Variants in RBPJ observed in about 807,000 individuals in gnomAD.
The protein encoded by RBPJ is recombining binding protein suppressor of hairless.
A neutral mutation model predicts 67.8 loss-of-function variants in RBPJ; 9 were observed. That is an observed-to-expected ratio of 0.13 (90% CI 0.08 to 0.23). RBPJ has a LOEUF of 0.23. Ranked by LOEUF, RBPJ falls within the 10% of genes least tolerant of loss-of-function variation. The probability of loss-of-function intolerance (pLI) is 1.00; values close to 1 mark genes in which losing one functional copy is unlikely to be tolerated. For missense variants in RBPJ, 305 were observed against 595.6 expected (o/e 0.51, Z 5.08); for synonymous variants, 198 against 203.3 (o/e 0.97, Z 0.22).
At chr4:26,174,232 T>C (rs546535963) in intron 1 of RBPJ, among the ~76,000 whole-genome samples, 237 of 152,318 alleles carry the variant, frequency 1.6e-3, no homozygotes, top group Non-Finnish European at 2.5e-3. Context: ...ACTAGTGAGA[T>C]GACCTTTACC....
At chr4:26,290,933 C>T (rs2871198) in intron 1 of RBPJ, among the ~76,000 whole-genome samples, 93,938 of 150,378 alleles carry the variant, frequency 0.62, 31,216 homozygotes, top group African/African-American at 0.71. Flanking sequence ...TCTAAGAAAG[C>T]AGATATGCTA....
the RBPJ span, among the ~76,000 whole-genome samples, chr4:26,109,725 CTCTCTA>C: frequency 8.7e-6 from 1 of 114,860 alleles, no homozygotes; most frequent in African/African-American, 3.0e-5. Flanking sequence ...CTCTCTCTCT[CTCTCTA>C]TATATATATA....
chr4:26,112,713 T>C, the RBPJ span: 2 of 151,886 alleles, frequency 1.3e-5, no homozygotes, highest in Non-Finnish European at 2.9e-5. Flanking sequence ...GTATTGATTT[T>C]AGATTTGGAC....
intron 1 of RBPJ, among the ~76,000 whole-genome samples, chr4:26,270,000 G>A (rs1720824750): frequency 6.6e-6 from 1 of 151,852 alleles, no homozygotes; most frequent in Admixed American, 6.6e-5. Context: ...GCTGGTATGG[G>A]GCCAGGCACG....
chr4:26,257,590 T>C (rs1720383719), intron 1 of RBPJ, among the ~76,000 whole-genome samples: 1 of 152,290 alleles, frequency 6.6e-6, no homozygotes. Context: ...GACTGTGCCA[T>C]AGCACTCCAG....
chr4:26,198,185 C>T (rs547754080), intron 1 of RBPJ, among the ~76,000 whole-genome samples: 6 of 152,118 alleles, frequency 3.9e-5, no homozygotes, highest in African/African-American at 1.4e-4. Context: ...ACCTGGGAGG[C>T]GGAGGTTGCG....
chr4:26,108,628 G>T, the RBPJ span, among the ~76,000 whole-genome samples: 1 of 152,224 alleles, frequency 6.6e-6, no homozygotes, highest in Non-Finnish European at 1.5e-5. Context: ...GTTTATGGGA[G>T]TATTAAATGA....
chr4:26,175,479 A>G (rs1166588259), intron 1 of RBPJ, among the ~76,000 whole-genome samples: 1 of 152,226 alleles, frequency 6.6e-6, no homozygotes, highest in East Asian at 1.9e-4. Context: ...ATCACATCGC[A>G]GGTTTCCCGC....
the RBPJ span, among the ~76,000 whole-genome samples, chr4:26,141,319 G>GT: frequency 6.6e-6 from 1 of 152,328 alleles, no homozygotes; most frequent in South Asian, 2.1e-4. Context: ...GAGAAAGAAT[G>GT]TAACGGCAGG....
chr4:26,136,089 T>A, the RBPJ span, among the ~76,000 whole-genome samples: 2 of 152,244 alleles, frequency 1.3e-5, no homozygotes, highest in African/African-American at 2.4e-5. Flanking sequence ...TTTAAAGCCA[T>A]CAGATCCCGT....
At chr4:26,173,185 G>T (rs553820696) in intron 1 of RBPJ, among the ~76,000 whole-genome samples, 8 of 152,202 alleles carry the variant, frequency 5.3e-5, no homozygotes, top group African/African-American at 1.9e-4. Context: ...GCCCAGGCTG[G>T]AGTGCAGTGG....
the RBPJ span, among the ~76,000 whole-genome samples, chr4:26,123,509 AT>A: frequency 9.2e-5 from 14 of 151,956 alleles, no homozygotes; most frequent in Non-Finnish European, 1.6e-4. Context: ...TTTATAAAGA[AT>A]TTTTTTTCTT....
intron 1 of RBPJ, among the ~76,000 whole-genome samples, chr4:26,266,051 G>A (rs111870879): frequency 2.0e-3 from 308 of 151,238 alleles, no homozygotes; most frequent in African/African-American, 7.2e-3. Context: ...AAGGATCTTG[G>A]TTCCAAGGCA....
chr4:26,246,678 A>G (rs960938607), intron 1 of RBPJ, among the ~76,000 whole-genome samples: 1 of 152,192 alleles, frequency 6.6e-6, no homozygotes, highest in Non-Finnish European at 1.5e-5. Context: ...TGTAACTATC[A>G]GGTTCTCCCA....
the RBPJ span, among the ~76,000 whole-genome samples, chr4:26,154,326 A>C: frequency 6.6e-6 from 1 of 152,182 alleles, no homozygotes; most frequent in African/African-American, 2.4e-5. Flanking sequence ...TGGTTACCTC[A>C]CTGGGTAATT....
At chr4:26,132,834 G>C in the RBPJ span, among the ~76,000 whole-genome samples, 3 of 152,084 alleles carry the variant, frequency 2.0e-5, no homozygotes. Flanking sequence ...TCCCAGCCCT[G>C]ATGCAAGAGG....
chr4:26,311,254 G>A (rs1722418903), intron 1 of RBPJ, among the ~76,000 whole-genome samples: 1 of 151,922 alleles, frequency 6.6e-6, no homozygotes, highest in African/African-American at 2.4e-5. Context: ...CATCACTGTG[G>A]GGCCAGGCGC....
intron 3 of RBPJ, chr4:26,410,163 T>A (rs1389435892): frequency 2.7e-6 from 1 of 369,544 alleles, no homozygotes; most frequent in Non-Finnish European, 5.3e-6. Context: ...GGGAAGAGGA[T>A]CTGTCTTCTT....
At chr4:26,154,183 A>G in the RBPJ span, among the ~76,000 whole-genome samples, 1 of 152,116 alleles carries the variant, frequency 6.6e-6, no homozygotes, top group Non-Finnish European at 1.5e-5. Context: ...TAACACGGGG[A>G]ACAGAAAGAA....
Sources: allele counts gnomAD v4.1 joint callset (sites outside exome capture counted in the v4.1 genomes callset), GRCh38; gene constraint gnomAD v4.1.1; transcripts MANE v1.5; gene names NCBI Gene and HGNC (gene_info 2026-07-23, HGNC 2026-07-21).